The following TUBB1 variants were observed in gnomAD, a reference collection of about 807,000 sequenced individuals.
The protein encoded by TUBB1 is tubulin beta-1 chain.
Under a neutral mutation model 22.6 loss-of-function variants are expected in TUBB1, and 28 were observed. The observed-to-expected ratio is 1.24, with a 90% confidence interval of 0.92 to 1.70. The LOEUF is 1.70. Ranked by LOEUF, TUBB1 falls within the 40% of genes most tolerant of loss-of-function variation. The pLI is 0.00. For synonymous variants in TUBB1, 226 were observed against 238.0 expected (o/e 0.95, Z 0.46); for missense variants, 577 against 605.5 (o/e 0.95, Z 0.49).
rs750297461 is a variant in TUBB1, at chr20:59,024,216, G to A, written c.789G>A (p.Leu263=). ...LAVNMVPFPR[L]HFFMPGFAPL... ...TGAACATGGTCCCCTTCCCCCGCCTGCACTTCTTTATGCCCGGCTTTGCCC... is the reference window on the plus strand; with the variant it reads ...TGAACATGGTCCCCTTCCCCCGCCTACACTTCTTTATGCCCGGCTTTGCCC... Residue 263 remains leucine (L), a synonymous_variant, in exon 4 of 4, where the codon CTG becomes CTA. Coordinates refer to ENST00000217133, the MANE Select transcript of TUBB1 (RefSeq NM_030773.4). This position sits in a 1 kb window ranked among gnomAD's most constrained non-coding sequence, Gnocchi z 4.9. 3.1e-6 allele frequency: 5 copies of A among 1,614,144 alleles called. No homozygotes were observed. Among genetic ancestry groups the A allele is most frequent in the Non-Finnish European group, 2.5e-6 (3 of 1,180,034 alleles).
rs139766002 is a variant in TUBB1 at position 59,023,573 on chromosome 20, C to G, written c.250C>G (p.Leu84Val). The change falls in exon 3 of 4, where the codon CTC becomes GTC. Residue 84 changes from leucine to valine, a missense_variant. By Grantham distance (32) the Leu-to-Val change is conservative. Transcript: ENST00000217133. The stretch of plus-strand genomic sequence containing the variant: ...CATTCGATCTAGCAAATTAGGAGCT[C>G]TCTTTCAACCCGACAGTTTTGTCCA... ...DSIRSSKLGA[L>V]FQPDSFVHGN... 4 of 1,614,052 alleles carry G rather than the reference C, an allele frequency of 2.5e-6. No homozygotes were observed. In the African/African-American group the frequency reaches 5.3e-5, roughly 22 times the overall value.
rs1270133767 is a variant in TUBB1, at chr20:59,025,638, T to C, written c.*855T>C. On this transcript the variant is annotated 3_prime_UTR_variant, in exon 4 of 4. Coordinates refer to ENST00000217133, the MANE Select transcript of TUBB1 (RefSeq NM_030773.4). ...TGGTCTTTTCACTTTCATTCAGTCA[T>C]CACCCCCCAAAATGCTCTGCAGCCT... The C allele has an allele frequency of 6.6e-6, 1 of 152,230 alleles. No individual in the cohort carries two copies. Among genetic ancestry groups the C allele is most frequent in the Non-Finnish European group, 1.5e-5 (1 of 68,044 alleles). The allele number at this position is 152,230 out of a possible 1,614,324, so 9.4% of individuals were successfully genotyped here.
chr20:59,017,885 G>A (rs539444610), upstream of TUBB1, among the ~76,000 whole-genome samples: 3 of 152,298 alleles, frequency 2.0e-5, no homozygotes, highest in Non-Finnish European at 2.9e-5. Flanking sequence ...TGTCTGCAGC[G>A]CCCAAGGTGA....
chr20:59,020,617 G>A (rs1038990690), intron 1 of TUBB1, among the ~76,000 whole-genome samples: 2 of 151,626 alleles, frequency 1.3e-5, no homozygotes, highest in Non-Finnish European at 2.9e-5. Flanking sequence ...CATGTTTATT[G>A]TAACGCTTAA....
intron 1 of TUBB1, among the ~76,000 whole-genome samples, chr20:59,021,574 T>G (rs1568688928): frequency 6.6e-6 from 1 of 152,230 alleles, no homozygotes; most frequent in South Asian, 2.1e-4. Context: ...GTTTCCATAT[T>G]AAGAGCTTGG....
Position 59,024,655 on chromosome 20 carries a change from G to C in TUBB1, c.1228G>C (p.Glu410Gln), listed in dbSNP as rs986068866. ...AGGGATGGACATAAACGAATTTGGG[G>C]AAGCTGAAAATAACATCCATGATTT... ...SEGMDINEFG[E>Q]AENNIHDLVS... Residue 410 changes from glutamate to glutamine, a missense_variant, in exon 4 of 4, where the codon GAA becomes CAA. By Grantham distance (29) the Glu-to-Gln change is conservative. Transcript: ENST00000217133. This position sits in a 1 kb window ranked among gnomAD's most constrained non-coding sequence, Gnocchi z 4.9. The C allele has an allele frequency of 6.2e-7, 1 of 1,614,188 alleles. No individual in the cohort carries two copies. The highest frequency in any genetic ancestry group is 8.5e-7 in the Non-Finnish European group (1 of 1,180,048).
intron 1 of TUBB1, among the ~76,000 whole-genome samples, chr20:59,020,832 G>A (rs2091963649): frequency 2.0e-5 from 3 of 151,914 alleles, no homozygotes; most frequent in South Asian, 4.2e-4. Flanking sequence ...ACAGATGCCC[G>A]AACCCACAAT....
In TUBB1 at chr20:59,026,614, CTTTA is replaced by C. The variant is rs1292514969; in HGVS notation, c.*1835_*1838del. On this transcript the variant is annotated 3_prime_UTR_variant, in exon 4 of 4. Coordinates refer to ENST00000217133, the MANE Select transcript of TUBB1 (RefSeq NM_030773.4). ...AATTCAATTTTAAATGGCAAAATTG[CTTTA>C]TTTCAGACTAAATAAATTCCTTTTC... 1.3e-5 allele frequency: 2 copies of C among 152,182 alleles called. No individual in the cohort carries two copies. Among genetic ancestry groups the C allele is most frequent in the African/African-American group, 4.8e-5 (2 of 41,454 alleles). The allele number at this position is 152,182 out of a possible 1,614,324, so 9.4% of individuals were successfully genotyped here. A position where few individuals can be genotyped will look rare whatever the true frequency, so the allele number is the denominator to read the frequency against.
Position 59,026,265 on chromosome 20 carries a change from T to G in TUBB1, c.*1482T>G, listed in dbSNP as rs1231867625. ...CTTGCCATCGGATCATCAACAAGTC[T>G]TCTATTTACAAACTTCAAAAAACAC... On this transcript the variant is annotated 3_prime_UTR_variant, in exon 4 of 4. Transcript: ENST00000217133. The G allele has an allele frequency of 6.6e-6, 1 of 152,246 alleles. No individual in the cohort carries two copies. The highest frequency in any genetic ancestry group is 1.5e-5 in the Non-Finnish European group (1 of 68,042). 9.4% of individuals were successfully genotyped at this position (152,246 alleles called of 1,614,324 possible). A position where few individuals can be genotyped will look rare whatever the true frequency, so the allele number is the denominator to read the frequency against.
Position 59,024,541 on chromosome 20 carries a change from A to G in TUBB1, c.1114A>G (p.Thr372Ala). The change falls in exon 4 of 4, where the codon ACG (threonine) becomes GCG (alanine). Residue 372 changes from threonine to alanine, a missense_variant. Physicochemically the swap from Thr to Ala is moderately conservative, Grantham distance 58. Transcript: ENST00000217133. The surrounding 1 kb of genome is among the most constrained non-coding windows in gnomAD (Gnocchi z 4.9). ...SMAATFIGNN[T>A]AIQEIFNRVS... ...GGCCGCCACCTTCATTGGCAACAACACGGCCATCCAAGAGATCTTTAATAG... is the reference window on the plus strand; with the variant it reads ...GGCCGCCACCTTCATTGGCAACAACGCGGCCATCCAAGAGATCTTTAATAG... The G allele has an allele frequency of 6.2e-7, 1 of 1,614,182 alleles. No homozygotes were observed. Among genetic ancestry groups the G allele is most frequent in the Non-Finnish European group, 8.5e-7 (1 of 1,180,036 alleles).
intron 1 of TUBB1, among the ~76,000 whole-genome samples, chr20:59,022,514 G>A (rs903390991): frequency 7.2e-5 from 11 of 152,146 alleles, no homozygotes; most frequent in Non-Finnish European, 1.5e-4. Flanking sequence ...GGAGAAATTA[G>A]AGCTATATTG....
chr20:59,025,044 T>C lies in TUBB1; in HGVS notation c.*261T>C. ...ACTTAAAAAAATAGCAAATTTATTG[T>C]AAAGTGCTCCCTTTGTTTCAAAGTG... is the stretch of plus-strand genomic sequence containing the variant. On this transcript the variant is annotated 3_prime_UTR_variant, in exon 4 of 4. Coordinates refer to ENST00000217133, the MANE Select transcript of TUBB1 (RefSeq NM_030773.4). 1 of 511,776 alleles carries C rather than the reference T, an allele frequency of 2.0e-6. No individual in the cohort carries two copies. Among genetic ancestry groups the C allele is most frequent in the Admixed American group, 3.2e-5 (1 of 30,990 alleles). 31.7% of individuals were successfully genotyped at this position (511,776 alleles called of 1,614,324 possible). A position where few individuals can be genotyped will look rare whatever the true frequency, so the allele number is the denominator to read the frequency against.
At chr20:59,021,864 G>C (rs1354159556) in intron 1 of TUBB1, among the ~76,000 whole-genome samples, 1 of 152,076 alleles carries the variant, frequency 6.6e-6, no homozygotes, top group African/African-American at 2.4e-5. Flanking sequence ...GCATGGTGGT[G>C]GACGCCTGTA....
In TUBB1 at chr20:59,024,903, C is replaced by T. The variant is rs2091987536; in HGVS notation, c.*120C>T. 1.1e-6 allele frequency: 1 copy of T among 895,624 alleles called. No individual in the cohort carries two copies. The highest frequency in any genetic ancestry group is 1.6e-5 in the African/African-American group (1 of 60,874). 55.5% of individuals were successfully genotyped at this position (895,624 alleles called of 1,614,324 possible). A position where few individuals can be genotyped will look rare whatever the true frequency, so the allele number is the denominator to read the frequency against. On this transcript the variant is annotated 3_prime_UTR_variant, in exon 4 of 4. Transcript: ENST00000217133. This position sits in a 1 kb window ranked among gnomAD's most constrained non-coding sequence, Gnocchi z 4.9. ...CAGCACAGTGAATGATATGCACTCA[C>T]CATTAGCTTCGACACAGGGACTGAG...
rs1001991832 is a variant in TUBB1, at chr20:59,026,039, G to C, written c.*1256G>C. The C allele has an allele frequency of 6.6e-6, 1 of 152,110 alleles. No homozygotes were observed. Among genetic ancestry groups the C allele is most frequent in the African/African-American group, 2.4e-5 (1 of 41,412 alleles). 9.4% of individuals were successfully genotyped at this position (152,110 alleles called of 1,614,324 possible). On this transcript the variant is annotated 3_prime_UTR_variant, in exon 4 of 4. Coordinates refer to ENST00000217133, the MANE Select transcript of TUBB1 (RefSeq NM_030773.4). ...ACACTATTTGATCCATGGATAACCG[G>C]TAATGGGAAAATGCTCCGACCCTCA...
chr20:59,016,671 T>C (rs1209027089), upstream of TUBB1, among the ~76,000 whole-genome samples: 2 of 152,184 alleles, frequency 1.3e-5, no homozygotes, highest in East Asian at 1.9e-4. Flanking sequence ...CTAATGTCTA[T>C]GGAAACAGAA....
At position 59,019,669 on chromosome 20, in the gene TUBB1, A is replaced by G. The variant is rs143807374; in HGVS notation, c.57+90A>G. ...ATACCCTAAGTTAGCAGGGAAGACA[A>G]TAAGTCTAGCAGATTTAATGTACTT... On this transcript the variant is annotated intron_variant, in intron 1 of 3. Transcript: ENST00000217133. The G allele has an allele frequency of 3.4e-4, 455 of 1,321,980 alleles. 1 individual carries two copies. In the African/African-American group the frequency reaches 3.6e-3, roughly 10 times the overall value. The allele number at this position is 1,321,980 out of a possible 1,614,324, so 81.9% of individuals were successfully genotyped here. A position where few individuals can be genotyped will look rare whatever the true frequency, so the allele number is the denominator to read the frequency against.
At chr20:59,021,097 G>A (rs1421618065) in intron 1 of TUBB1, among the ~76,000 whole-genome samples, 1 of 152,152 alleles carries the variant, frequency 6.6e-6, no homozygotes, top group Non-Finnish European at 1.5e-5. Flanking sequence ...TGCTTGAAAA[G>A]AAGTCACCAT....
upstream of TUBB1, among the ~76,000 whole-genome samples, chr20:59,018,453 G>A (rs1453705587): frequency 1.3e-5 from 2 of 151,916 alleles, no homozygotes; most frequent in African/African-American, 4.8e-5. Flanking sequence ...TGTCGCCCAG[G>A]CTGGAGTGCA....
Sources: gnomAD v4.1 joint callset for allele counts (sites outside exome capture counted in the v4.1 genomes callset) on GRCh38, gnomAD v4.1.1 for gene constraint, Gnocchi (gnomAD v3.1) non-coding constraint, MANE v1.5 for transcripts, NCBI Gene and HGNC (gene_info 2026-07-23, HGNC 2026-07-21) for gene names.